Variants in ZNF407 observed in about 807,000 individuals in gnomAD.
ZNF407 encodes the protein zinc finger protein 407.
A neutral mutation model predicts 131.2 loss-of-function variants in ZNF407; 17 were observed. The ratio of observed to expected loss-of-function variants is 0.13; its 90% CI spans 0.09 to 0.19. The LOEUF is 0.19. Among genes scored for constraint, ZNF407 ranks in the 10% least tolerant of loss-of-function variants. The pLI is 1.00. For synonymous variants in ZNF407, 1,156 were observed against 1,062.0 expected (o/e 1.09, Z -1.72); for missense variants, 2,681 against 2,830.6 (o/e 0.95, Z 1.20).
chr18:74,953,466 C>T (rs557662554), intron 8 of ZNF407, among the ~76,000 whole-genome samples: 1 of 152,272 alleles, frequency 6.6e-6, no homozygotes, highest in Admixed American at 6.5e-5. Flanking sequence ...CTTTTCTCTG[C>T]AGGCATCCTT....
intron 3 of ZNF407, among the ~76,000 whole-genome samples, chr18:74,660,874 A>C (rs1191415435): frequency 1.3e-5 from 2 of 152,182 alleles, no homozygotes; most frequent in Non-Finnish European, 2.9e-5. Context: ...TTTAAAAATT[A>C]ATCTGGTGGA....
intron 8 of ZNF407, chr18:75,062,689 A>G (rs1370041715): frequency 2.0e-5 from 3 of 153,184 alleles, no homozygotes; most frequent in Admixed American, 6.5e-5. Context: ...TTTGCTGAAT[A>G]AACAAATATA....
chr18:74,608,700 GGCCA>G (rs1427574848), intron 1 of ZNF407, among the ~76,000 whole-genome samples: 1 of 152,112 alleles, frequency 6.6e-6, no homozygotes, highest in Admixed American at 6.6e-5. Context: ...GAAGAATACT[GGCCA>G]GTTATTTTGT....
chr18:74,639,469 G>A (rs1180677412), intron 2 of ZNF407, among the ~76,000 whole-genome samples: 1 of 152,166 alleles, frequency 6.6e-6, no homozygotes, highest in Non-Finnish European at 1.5e-5. Context: ...ATGTCTTAGT[G>A]AAATGTTCAA....
intron 7 of ZNF407, among the ~76,000 whole-genome samples, chr18:74,906,489 T>A (rs573202637): frequency 6.6e-6 from 1 of 152,338 alleles, no homozygotes; most frequent in Admixed American, 6.5e-5. Context: ...TTCAAATAGA[T>A]GTTTGGTCAT....
At chr18:74,984,438 CAT>C (rs1972629275) in intron 8 of ZNF407, among the ~76,000 whole-genome samples, 1 of 152,274 alleles carries the variant, frequency 6.6e-6, no homozygotes, top group East Asian at 1.9e-4. Context: ...CAATATATGA[CAT>C]ATTGGTTTTA....
chr18:74,832,744 C>T (rs1215622768), intron 4 of ZNF407, among the ~76,000 whole-genome samples: 1 of 152,138 alleles, frequency 6.6e-6, no homozygotes, highest in Non-Finnish European at 1.5e-5. Flanking sequence ...TAACAAGTTA[C>T]TATAGTTGAG....
At chr18:75,020,421 G>T (rs1020919683) in intron 8 of ZNF407, among the ~76,000 whole-genome samples, 1 of 152,088 alleles carries the variant, frequency 6.6e-6, no homozygotes, top group Admixed American at 6.6e-5. Flanking sequence ...GCACATAAGG[G>T]CACTACAATG....
intron 1 of ZNF407, among the ~76,000 whole-genome samples, chr18:74,619,004 C>T (rs1983420217): frequency 6.6e-6 from 1 of 152,160 alleles, no homozygotes; most frequent in Non-Finnish European, 1.5e-5. Flanking sequence ...CTTTTATCCC[C>T]TGCAGTTCTT....
At chr18:74,978,982 G>T (rs2145311354) in intron 8 of ZNF407, among the ~76,000 whole-genome samples, 1 of 152,300 alleles carries the variant, frequency 6.6e-6, no homozygotes, top group South Asian at 2.1e-4. Flanking sequence ...GGAGGCTGCT[G>T]TGTAGTTTGA....
rs1970440155 is a variant in ZNF407 at position 74,828,552 on chromosome 18, T to G, written c.4877+47050T>G. On this transcript the variant is annotated intron_variant, in intron 4 of 8. Transcript: ENST00000299687. ...TTTTAGATGGAGTTATTTAGTCCAT[T>G]AAAATAATGATGAATGTCTACCAGA... Among the ~76,000 whole-genome samples the G allele has an allele frequency of 4.0e-5, 6 of 151,640 alleles. No individual in the cohort carries two copies. The South Asian group carries it at 1.3e-3, about 32-fold the overall frequency.
Position 74,877,421 on chromosome 18 carries a change from G to A in ZNF407, c.5044+58G>A, listed in dbSNP as rs975407749. The A allele has an allele frequency of 2.6e-6, 4 of 1,525,734 alleles. No homozygotes were observed. In the African/African-American group the frequency reaches 4.1e-5, roughly 16 times the overall value. The allele number at this position is 1,525,734 out of a possible 1,614,324, so 94.5% of individuals were successfully genotyped here. A position where few individuals can be genotyped will look rare whatever the true frequency, so the allele number is the denominator to read the frequency against. On this transcript the variant is annotated intron_variant, in intron 5 of 8. Coordinates refer to ENST00000299687, the MANE Select transcript of ZNF407 (RefSeq NM_017757.3). ...TGGGCAGAGGTAGACTGGGTGGACT[G>A]TGGGAACAGAGGCATTAATTATCCC...
chr18:74,927,181 T>G (rs1237597280), intron 8 of ZNF407, among the ~76,000 whole-genome samples: 2 of 150,576 alleles, frequency 1.3e-5, no homozygotes, highest in African/African-American at 4.9e-5. Flanking sequence ...TATTCTCAAT[T>G]TAATGGTTTT....
intron 7 of ZNF407, among the ~76,000 whole-genome samples, chr18:74,898,682 CTG>C (rs1971484376): frequency 6.6e-6 from 1 of 152,150 alleles, no homozygotes; most frequent in Non-Finnish European, 1.5e-5. Context: ...TTGGAGATCT[CTG>C]TGTAGGTCTT....
chr18:74,828,243 T>C (rs1429137085), intron 4 of ZNF407, among the ~76,000 whole-genome samples: 1 of 152,188 alleles, frequency 6.6e-6, no homozygotes, highest in Non-Finnish European at 1.5e-5. Flanking sequence ...TTGTAGGCAT[T>C]CCTAATTTTC....
intron 3 of ZNF407, among the ~76,000 whole-genome samples, chr18:74,670,296 G>A (rs538987319): frequency 3.3e-5 from 5 of 152,190 alleles, no homozygotes; most frequent in African/African-American, 7.2e-5. Flanking sequence ...TTAAAGAATC[G>A]CATCATTATT....
intron 8 of ZNF407, among the ~76,000 whole-genome samples, chr18:74,984,658 T>A (rs1371905464): frequency 6.6e-6 from 1 of 152,208 alleles, no homozygotes; most frequent in Non-Finnish European, 1.5e-5. Context: ...AACTAAATGA[T>A]GGTTAAGAAA....
intron 8 of ZNF407, among the ~76,000 whole-genome samples, chr18:75,046,618 T>C (rs1235076062): frequency 1.3e-5 from 2 of 152,192 alleles, no homozygotes; most frequent in Non-Finnish European, 2.9e-5. Flanking sequence ...CGAGGGGTCC[T>C]GCCCCCATGG....
At chr18:74,957,207 C>G (rs942880487) in intron 8 of ZNF407, among the ~76,000 whole-genome samples, 1 of 152,046 alleles carries the variant, frequency 6.6e-6, no homozygotes, top group African/African-American at 2.4e-5. Flanking sequence ...TGCCTTTTCT[C>G]ATGCCCCGTG....
Sources: gnomAD v4.1 joint callset for allele counts (sites outside exome capture counted in the v4.1 genomes callset) on GRCh38, gnomAD v4.1.1 for gene constraint, MANE v1.5 for transcripts, NCBI Gene and HGNC (gene_info 2026-07-23, HGNC 2026-07-21) for gene names.